Variants in PABPC4L observed in about 807,000 individuals in gnomAD.
PABPC4L encodes the protein poly(A) binding protein cytoplasmic 4 like.
For missense variants in PABPC4L, 452 were observed against 451.4 expected (o/e 1.00, Z -0.01); for synonymous variants, 169 against 164.1 (o/e 1.03, Z -0.23).
the PABPC4L span, among the ~76,000 whole-genome samples, chr4:134,028,363 T>G: frequency 6.6e-6 from 1 of 152,078 alleles, no homozygotes; most frequent in South Asian, 2.1e-4. Flanking sequence ...CTCCTCATGC[T>G]AAGCCTCCTC....
the PABPC4L span, among the ~76,000 whole-genome samples, chr4:134,079,687 CTGTG>C: frequency 2.1e-5 from 3 of 144,030 alleles, no homozygotes; most frequent in African/African-American, 7.7e-5. Flanking sequence ...GTGTGTGTGT[CTGTG>C]TGTGTGAGAG....
At chr4:134,119,862 A>T in the PABPC4L span, among the ~76,000 whole-genome samples, 12 of 151,666 alleles carry the variant, frequency 7.9e-5, no homozygotes, top group Admixed American at 1.3e-4. Flanking sequence ...TTCTTTTAAC[A>T]TTATGTTTGG....
At chr4:134,154,534 A>G in the PABPC4L span, among the ~76,000 whole-genome samples, 1 of 152,054 alleles carries the variant, frequency 6.6e-6, no homozygotes, top group African/African-American at 2.4e-5. Flanking sequence ...TTATATACCT[A>G]ATATTTTACC....
the PABPC4L span, among the ~76,000 whole-genome samples, chr4:134,111,427 TATAG>T: frequency 2.0e-5 from 3 of 151,750 alleles, no homozygotes; most frequent in African/African-American, 7.3e-5. Context: ...TATAGCTAGA[TATAG>T]ATAGATACAC....
chr4:134,063,524 G>A, the PABPC4L span, among the ~76,000 whole-genome samples: 5 of 151,950 alleles, frequency 3.3e-5, no homozygotes, highest in African/African-American at 9.7e-5. Context: ...GACAATTAAA[G>A]TAACAAGATT....
At chr4:134,031,729 A>C in the PABPC4L span, among the ~76,000 whole-genome samples, 3 of 151,948 alleles carry the variant, frequency 2.0e-5, no homozygotes, top group African/African-American at 2.4e-5. Flanking sequence ...CATCTGCCAG[A>C]AAAAATAAGA....
chr4:133,963,377 G>A, the PABPC4L span, among the ~76,000 whole-genome samples: 1 of 152,028 alleles, frequency 6.6e-6, no homozygotes, highest in East Asian at 1.9e-4. Flanking sequence ...TAGATAGACA[G>A]CAACACAATA....
At chr4:134,068,644 G>A in the PABPC4L span, among the ~76,000 whole-genome samples, 1 of 151,882 alleles carries the variant, frequency 6.6e-6, no homozygotes, top group Non-Finnish European at 1.5e-5. Flanking sequence ...TTTTTGTGGT[G>A]GCTATTAGGT....
the PABPC4L span, among the ~76,000 whole-genome samples, chr4:134,164,746 C>G: frequency 6.6e-6 from 1 of 151,990 alleles, no homozygotes; most frequent in Non-Finnish European, 1.5e-5. Flanking sequence ...AACATCACCA[C>G]CATTTTTTCA....
At chr4:134,061,620 C>G in the PABPC4L span, among the ~76,000 whole-genome samples, 2 of 143,348 alleles carry the variant, frequency 1.4e-5, no homozygotes, top group African/African-American at 2.6e-5. Flanking sequence ...CAAACATACA[C>G]AGAGAGAGAG....
At chr4:134,121,892 A>G in the PABPC4L span, among the ~76,000 whole-genome samples, 1 of 151,832 alleles carries the variant, frequency 6.6e-6, no homozygotes, top group Non-Finnish European at 1.5e-5. Flanking sequence ...TGTGTAGCAA[A>G]TCAACAAATA....
the PABPC4L span, among the ~76,000 whole-genome samples, chr4:134,046,008 C>T: frequency 1.3e-5 from 2 of 152,096 alleles, no homozygotes; most frequent in Non-Finnish European, 2.9e-5. Context: ...AGCACCTCCA[C>T]ACCTGTGAGT....
the PABPC4L span, among the ~76,000 whole-genome samples, chr4:133,961,544 G>T: frequency 7.9e-5 from 12 of 152,132 alleles, no homozygotes; most frequent in East Asian, 3.9e-4. Context: ...GAGAGCACAG[G>T]GGGAGGGACA....
the PABPC4L span, among the ~76,000 whole-genome samples, chr4:134,182,222 C>T: frequency 6.6e-6 from 1 of 151,930 alleles, no homozygotes; most frequent in Non-Finnish European, 1.5e-5. Context: ...TACTACAAGG[C>T]TATAGTAACC....
chr4:134,065,102 G>T, the PABPC4L span, among the ~76,000 whole-genome samples: 711 of 152,048 alleles, frequency 4.7e-3, 9 homozygotes, highest in African/African-American at 0.016. Flanking sequence ...ATTCCTTTGG[G>T]TATAGACCCA....
the PABPC4L span, among the ~76,000 whole-genome samples, chr4:134,101,424 C>A: frequency 6.6e-6 from 1 of 151,304 alleles, no homozygotes; most frequent in Non-Finnish European, 1.5e-5. Flanking sequence ...CAAAATTCTG[C>A]TTTCCAACAT....
the PABPC4L span, among the ~76,000 whole-genome samples, chr4:133,984,306 A>G: frequency 6.6e-6 from 1 of 151,898 alleles, no homozygotes; most frequent in Non-Finnish European, 1.5e-5. Flanking sequence ...AAGAGAGACA[A>G]TATTGAAATT....
chr4:134,054,640 G>C, the PABPC4L span, among the ~76,000 whole-genome samples: 1 of 151,828 alleles, frequency 6.6e-6, no homozygotes, highest in African/African-American at 2.4e-5. Context: ...GTCACATAAA[G>C]TATGTGATCA....
chr4:134,108,550 T>C, the PABPC4L span, among the ~76,000 whole-genome samples: 3 of 151,884 alleles, frequency 2.0e-5, 1 homozygote, highest in South Asian at 6.2e-4. Context: ...TTTATGAGTA[T>C]ATTTAATAAT....
Sources: allele counts gnomAD v4.1 joint callset (sites outside exome capture counted in the v4.1 genomes callset), GRCh38; gene constraint gnomAD v4.1.1; transcripts MANE v1.5; gene names NCBI Gene and HGNC (gene_info 2026-07-23, HGNC 2026-07-21).